Variants in ACYP2 observed in about 807,000 individuals in gnomAD.
ACYP2 encodes the protein acylphosphatase-2.
ACYP2 carries 12 observed loss-of-function variants against 11.2 expected under a neutral mutation model. The ratio of observed to expected loss-of-function variants is 1.08; its 90% confidence interval spans 0.69 to 1.74. The LOEUF is 1.74. Ranked by LOEUF, ACYP2 falls within the 40% of genes most tolerant of loss-of-function variation. ACYP2 has a pLI of 0.00. For synonymous variants in ACYP2, 43 were observed against 32.2 expected (o/e 1.33, Z -1.13); for missense variants, 134 against 101.9 (o/e 1.31, Z -1.35).
At chr2:54,080,603 C>G (rs2103664239) in intron 4 of ACYP2, 1 of 152,320 alleles carries the variant, frequency 6.6e-6, no homozygotes, top group Non-Finnish European at 1.5e-5. Context: ...ATTCTCCTGC[C>G]TCAGCCTCCT....
chr2:54,155,445 G>A (rs370340210), intron 6 of ACYP2, among the ~76,000 whole-genome samples: 107 of 152,218 alleles, frequency 7.0e-4, no homozygotes, highest in African/African-American at 2.1e-3. Flanking sequence ...TGACCTGTTA[G>A]GAACTGGACC....
chr2:54,196,866 T>A (rs1170662101), intron 6 of ACYP2, among the ~76,000 whole-genome samples: 2 of 152,232 alleles, frequency 1.3e-5, no homozygotes, highest in Non-Finnish European at 2.9e-5. Flanking sequence ...TCATGGTAGA[T>A]TAAGTGTTGC....
intron 6 of ACYP2, among the ~76,000 whole-genome samples, chr2:54,301,527 T>C (rs1689728363): frequency 6.6e-6 from 1 of 152,196 alleles, no homozygotes; most frequent in Admixed American, 6.5e-5. Context: ...TCTCTATGTA[T>C]GCCCTCCAGT....
intron 6 of ACYP2, among the ~76,000 whole-genome samples, chr2:54,188,316 T>C (rs895610430): frequency 2.6e-5 from 4 of 152,114 alleles, no homozygotes; most frequent in African/African-American, 9.7e-5. Flanking sequence ...GAGAAAAGAA[T>C]TTAGGATACA....
chr2:54,247,090 G>A (rs7559101), intron 6 of ACYP2, among the ~76,000 whole-genome samples: 5,462 of 152,228 alleles, frequency 0.036, 334 homozygotes, highest in African/African-American at 0.12. Context: ...TTGGAACACT[G>A]TCTCTTAGGT....
At chr2:54,148,604 T>C (rs909468255) in intron 6 of ACYP2, among the ~76,000 whole-genome samples, 2 of 152,118 alleles carry the variant, frequency 1.3e-5, no homozygotes, top group African/African-American at 4.8e-5. Context: ...GAAATTGGGC[T>C]AGAGAAATTA....
At chr2:54,096,407 T>C (rs370439452) in intron 4 of ACYP2, among the ~76,000 whole-genome samples, 4 of 148,708 alleles carry the variant, frequency 2.7e-5, no homozygotes, top group Non-Finnish European at 3.0e-5. Context: ...CAGGCAGAGA[T>C]GCTCCTCACT....
intron 1 of ACYP2, among the ~76,000 whole-genome samples, chr2:53,972,933 T>A (rs1464922280): frequency 6.6e-6 from 1 of 152,156 alleles, no homozygotes; most frequent in African/African-American, 2.4e-5. Context: ...AGATGCAGAT[T>A]AGCGTGTAGA....
chr2:54,076,719 A>G (rs1459502105), intron 4 of ACYP2, among the ~76,000 whole-genome samples: 1 of 151,774 alleles, frequency 6.6e-6, no homozygotes, highest in Non-Finnish European at 1.5e-5. Context: ...TCAGGGAGGG[A>G]GAGAGAGAGA....
At chr2:54,017,279 T>A (rs1464800486) in intron 2 of ACYP2, among the ~76,000 whole-genome samples, 1 of 147,038 alleles carries the variant, frequency 6.8e-6, no homozygotes, top group Non-Finnish European at 1.5e-5. Flanking sequence ...TTTCTTTTTT[T>A]TTTTTTTTTG....
intron 6 of ACYP2, among the ~76,000 whole-genome samples, chr2:54,144,933 A>C (rs1681817844): frequency 6.6e-6 from 1 of 152,134 alleles, no homozygotes; most frequent in Non-Finnish European, 1.5e-5. Context: ...CTAAGTCTTC[A>C]ACATGAGTCC....
chr2:54,295,775 G>A (rs1226736339), intron 6 of ACYP2, among the ~76,000 whole-genome samples: 1 of 150,944 alleles, frequency 6.6e-6, no homozygotes, highest in Non-Finnish European at 1.5e-5. Context: ...TTTTTTGTGT[G>A]TGTGAGACAG....
At chr2:54,213,756 C>A (rs1269648694) in intron 6 of ACYP2, among the ~76,000 whole-genome samples, 1 of 149,770 alleles carries the variant, frequency 6.7e-6, no homozygotes, top group Non-Finnish European at 1.5e-5. Context: ...CCTTTGCCCC[C>A]CACCCCACAC....
intron 6 of ACYP2, among the ~76,000 whole-genome samples, chr2:54,251,503 C>A (rs1440976741): frequency 6.6e-6 from 1 of 152,132 alleles, no homozygotes; most frequent in East Asian, 1.9e-4. Flanking sequence ...ACTTATCCAG[C>A]ACCCAGATCA....
intron 6 of ACYP2, among the ~76,000 whole-genome samples, chr2:54,171,798 ACGGC>A (rs1683231513): frequency 6.6e-6 from 1 of 152,132 alleles, no homozygotes; most frequent in South Asian, 2.1e-4. Context: ...CAAGTTAAAA[ACGGC>A]TTTTTAGTTC....
At chr2:54,219,905 A>ATATATATATATTT (rs1288814375) in intron 6 of ACYP2, among the ~76,000 whole-genome samples, 1 of 76,000 alleles carries the variant, frequency 1.3e-5, no homozygotes, top group Non-Finnish European at 2.4e-5. Context: ...ATATATATAT[A>ATATATATATATTT]TTTTTTTTTT....
rs943570221 is a variant in ACYP2 at position 54,133,318 on chromosome 2, T to C, written c.278-2135T>C. Among the ~76,000 whole-genome samples, 3 of 152,230 alleles carry C rather than the reference T, an allele frequency of 2.0e-5. No individual in the cohort carries two copies. The South Asian group carries it at 6.2e-4, about 31-fold the overall frequency. On this transcript the variant is annotated intron_variant, in intron 4 of 6. Coordinates refer to ENST00000607452, the MANE Select transcript of ACYP2 (RefSeq NM_001320586.2). Reference sequence around the variant, plus strand: ...CTTGTATCCCTGGTTCATTCCTTTTTATTGCTGCAGCTGCATGCTATTCCG... The same window carrying C: ...CTTGTATCCCTGGTTCATTCCTTTTCATTGCTGCAGCTGCATGCTATTCCG...
chr2:54,271,061 T>C (rs1688275653), intron 6 of ACYP2, among the ~76,000 whole-genome samples: 2 of 152,224 alleles, frequency 1.3e-5, no homozygotes, highest in South Asian at 4.1e-4. Flanking sequence ...AGATGCTTCT[T>C]GCCTCACAGG....
chr2:54,004,801 A>G (rs570563515), intron 2 of ACYP2, among the ~76,000 whole-genome samples: 10 of 150,150 alleles, frequency 6.7e-5, no homozygotes, highest in East Asian at 2.0e-4. Flanking sequence ...AGGCTGAGGC[A>G]GGAGAATCAC....
Sources: allele counts gnomAD v4.1 joint callset (sites outside exome capture counted in the v4.1 genomes callset), GRCh38; gene constraint gnomAD v4.1.1; transcripts MANE v1.5; gene names NCBI Gene and HGNC (gene_info 2026-07-23, HGNC 2026-07-21).